Variants in DHRSX observed in about 807,000 individuals in gnomAD.
DHRSX encodes the protein dehydrogenase/reductase X-linked.
In DHRSX, 31 loss-of-function variants were observed where a neutral mutation model predicts 34.0. The observed-to-expected ratio is 0.91, with a 90% CI of 0.69 to 1.23. The LOEUF (loss-of-function observed/expected upper bound fraction) is 1.23, where lower values mean the gene tolerates loss of function less well. Among genes scored for constraint, DHRSX ranks in the 50% most tolerant of loss-of-function variants. The pLI, the probability that DHRSX is intolerant of heterozygous loss-of-function variation, is 0.00. For synonymous variants in DHRSX, 201 were observed against 183.8 expected (o/e 1.09, Z -0.76); for missense variants, 414 against 428.1 (o/e 0.97, Z 0.29).
intron 4 of DHRSX, among the ~76,000 whole-genome samples, chrX:2,276,733 C>CAGAG (rs113463536): frequency 6.8e-6 from 1 of 146,458 alleles, no homozygotes; most frequent in East Asian, 2.0e-4. Context: ...AAAGGGCAAT[C>CAGAG]AGAGAGAGAG....
intron 3 of DHRSX, among the ~76,000 whole-genome samples, chrX:2,327,735 A>AG (rs1311442397): frequency 2.0e-5 from 3 of 152,128 alleles, no homozygotes; most frequent in South Asian, 2.1e-4. Flanking sequence ...ATTAAGGTAA[A>AG]ACAAAGTCAC....
chrX:2,360,388 G>C (rs183645938), intron 3 of DHRSX, among the ~76,000 whole-genome samples: 3 of 152,120 alleles, frequency 2.0e-5, no homozygotes, highest in South Asian at 4.1e-4. Flanking sequence ...TTCAAGACCA[G>C]CCTGACCAAC....
intron 1 of DHRSX, among the ~76,000 whole-genome samples, chrX:2,426,087 A>G (rs934207822): frequency 7.2e-5 from 11 of 152,076 alleles, no homozygotes; most frequent in Non-Finnish European, 1.2e-4. Context: ...TATGAAAGAC[A>G]GGTTCATAGG....
chrX:2,273,433 A>C (rs537859682), intron 4 of DHRSX, among the ~76,000 whole-genome samples: 1 of 152,176 alleles, frequency 6.6e-6, no homozygotes, highest in African/African-American at 2.4e-5. Context: ...TTCTACGTGG[A>C]GTCACTCAAG....
At chrX:2,397,040 G>A (rs145507222) in intron 3 of DHRSX, among the ~76,000 whole-genome samples, 2,234 of 151,966 alleles carry the variant, frequency 0.015, 94 homozygotes, top group South Asian at 0.12. Context: ...TTGCTCTGTC[G>A]CCCAAGCTAA....
chrX:2,355,260 C>T (rs1474179545), intron 3 of DHRSX, among the ~76,000 whole-genome samples: 3 of 152,010 alleles, frequency 2.0e-5, no homozygotes, highest in Admixed American at 2.0e-4. Context: ...ACCTGGAATC[C>T]CTGCATTTTG....
intron 1 of DHRSX, among the ~76,000 whole-genome samples, chrX:2,451,212 A>G (rs936266243): frequency 4.0e-5 from 6 of 150,516 alleles, no homozygotes; most frequent in Non-Finnish European, 5.9e-5. Flanking sequence ...CAGCCTGGGC[A>G]ATACAGCAAG....
chrX:2,239,348 G>A (rs1355579205), intron 6 of DHRSX, among the ~76,000 whole-genome samples: 1 of 150,828 alleles, frequency 6.6e-6, no homozygotes, highest in Non-Finnish European at 1.5e-5. Flanking sequence ...GCCAGTGATT[G>A]TGTCATAATT....
At chrX:2,379,403 C>G (rs1331160432) in intron 3 of DHRSX, among the ~76,000 whole-genome samples, 49 of 152,086 alleles carry the variant, frequency 3.2e-4, no homozygotes, top group Non-Finnish European at 7.4e-5. Context: ...ACATGGCAAA[C>G]AAACGAAGGG....
At chrX:2,343,376 A>C (rs1220224089) in intron 3 of DHRSX, among the ~76,000 whole-genome samples, 1 of 151,292 alleles carries the variant, frequency 6.6e-6, no homozygotes, top group East Asian at 2.0e-4. Flanking sequence ...GCTTGACATA[A>C]GTGACTCCAC....
intron 3 of DHRSX, among the ~76,000 whole-genome samples, chrX:2,327,093 G>A (rs1039577320): frequency 3.4e-4 from 52 of 152,206 alleles, no homozygotes; most frequent in African/African-American, 6.3e-4. Flanking sequence ...GATTACAGGC[G>A]TGAGCCACCG....
chrX:2,291,995 C>T (rs1352433111), intron 3 of DHRSX, among the ~76,000 whole-genome samples: 5 of 151,382 alleles, frequency 3.3e-5, no homozygotes, highest in Non-Finnish European at 5.9e-5. Flanking sequence ...CCGCCTCAGC[C>T]TCCCAAAGTG....
In DHRSX at chrX:2,221,337, G is replaced by C; in HGVS notation, c.805-108C>G. On this transcript the variant is annotated intron_variant, in intron 6 of 6. Transcript: ENST00000334651. ...AGGGACAGGTGGAATATACTCATCA[G>C]CTGCACTGAGAAATGTATGCAAAAA... is the stretch of plus-strand genomic sequence containing the variant. 2.7e-6 allele frequency: 3 copies of C among 1,122,594 alleles called. No individual in the cohort carries two copies. In the South Asian group the frequency reaches 4.8e-5, roughly 18 times the overall value. The allele number at this position is 1,122,594 out of a possible 1,614,324, so 69.5% of individuals were successfully genotyped here.
chrX:2,284,817 A>C (rs2041785350), intron 4 of DHRSX, among the ~76,000 whole-genome samples: 1 of 152,242 alleles, frequency 6.6e-6, no homozygotes, highest in Non-Finnish European at 1.5e-5. Flanking sequence ...AGACAGAGGC[A>C]GTCAGGTTCT....
intron 3 of DHRSX, among the ~76,000 whole-genome samples, chrX:2,342,578 G>A (rs1007361088): frequency 6.6e-6 from 1 of 152,132 alleles, no homozygotes; most frequent in African/African-American, 2.4e-5. Context: ...TGACAAGCAT[G>A]TGAGTGGCTA....
chrX:2,299,617 G>A (rs1412046742), intron 3 of DHRSX, among the ~76,000 whole-genome samples: 1 of 152,152 alleles, frequency 6.6e-6, no homozygotes, highest in African/African-American at 2.4e-5. Context: ...CACTTTGGGA[G>A]GCTGAGATGG....
At chrX:2,488,641 G>A in intron 1 of DHRSX, 1 of 1,599,646 alleles carries the variant, frequency 6.3e-7, no homozygotes, top group Non-Finnish European at 8.5e-7. Context: ...CTCGCTACAG[G>A]AAGCTGCTGT....
chrX:2,371,340 C>G (rs1294569501), intron 3 of DHRSX, among the ~76,000 whole-genome samples: 1 of 150,946 alleles, frequency 6.6e-6, no homozygotes, highest in African/African-American at 2.4e-5. Context: ...GTCCCTCCTT[C>G]CGTTACCATA....
In DHRSX at chrX:2,243,094, T is replaced by C. The variant is rs1332454566; in HGVS notation, c.733A>G (p.Thr245Ala). Residue 245 changes from threonine (T) to alanine (A), a missense_variant, in exon 6 of 7, where the codon ACG becomes GCG. Transcript: ENST00000334651. Reference protein sequence around the residue: ...ANVVDPGVVNTDVYKHVFWAT... With the variant: ...ANVVDPGVVNADVYKHVFWAT... ...CAGAACACGTGCTTGTAGACGTCCG[T>C]GTTGACCACCCCGGGGTCCACCACG... 1 of 1,613,684 alleles carries C rather than the reference T, an allele frequency of 6.2e-7. No individual in the cohort carries two copies. The highest frequency in any genetic ancestry group is 2.2e-5 in the East Asian group (1 of 44,890).
Sources: gnomAD v4.1 joint callset for allele counts (sites outside exome capture counted in the v4.1 genomes callset) on GRCh38, gnomAD v4.1.1 for gene constraint, MANE v1.5 for transcripts, NCBI Gene and HGNC (gene_info 2026-07-23, HGNC 2026-07-21) for gene names.